ARRDC4: variants seen among roughly 807,000 people sequenced by gnomAD.
ARRDC4 encodes arrestin domain containing 4.
ARRDC4 carries 40 observed loss-of-function variants against 44.6 expected under a neutral mutation model. That is an observed-to-expected ratio of 0.90 (90% CI 0.70 to 1.17). The LOEUF (loss-of-function observed/expected upper bound fraction) is 1.17. Among genes scored for constraint, ARRDC4 ranks in the 50% most tolerant of loss-of-function variants. The pLI is 0.00. For synonymous variants in ARRDC4, 211 were observed against 221.2 expected (o/e 0.95, Z 0.41); for missense variants, 550 against 559.1 (o/e 0.98, Z 0.16).
At position 97,968,097 on chromosome 15, in the gene ARRDC4, A is replaced by T; in HGVS notation, c.606A>T (p.Glu202Asp). 6.2e-7 allele frequency: 1 copy of T among 1,602,178 alleles called. No individual in the cohort carries two copies. The highest frequency in any genetic ancestry group is 1.3e-5 in the African/African-American group (1 of 74,506). ...SGPVSLSAKI[E>D]RKGYCNGEAI... ...CAGTCTCGCTGAGTGCCAAAATTGA[A>T]AGAAAGGGATACTGTAATGGTAAGC... Residue 202 changes from glutamate to aspartate, a missense_variant, in exon 4 of 8, where the codon GAA becomes GAT. Coordinates refer to ENST00000268042, the MANE Select transcript of ARRDC4 (RefSeq NM_183376.3). The surrounding 1 kb of genome is among the most constrained non-coding windows in gnomAD (Gnocchi z 5.4).
intron 1 of ARRDC4, 145 bp downstream of exon 1, chr15:97,961,313 T>A (rs1899313910): frequency 3.9e-6 from 3 of 763,570 alleles, no homozygotes; most frequent in Middle Eastern, 4.3e-4. Context: ...CCCTCGCGGG[T>A]AAGGAGAGAC....
chr15:97,971,061 T>G, intron 7 of ARRDC4, 70 bp from the exon 8 acceptor site: 7 of 1,516,678 alleles, frequency 4.6e-6, no homozygotes, highest in Non-Finnish European at 4.6e-6. Flanking sequence ...CATCATATAA[T>G]TACAAATAGG....
Position 97,968,185 on chromosome 15 carries a change from T to A in ARRDC4, c.625+69T>A. ...TTTCTTAGCTAATTTTAAGTGATTT[T>A]AAATAGTGTTTTTTGTAATTATATG... On this transcript the variant is annotated intron_variant, in intron 4 of 7. Transcript: ENST00000268042. This position sits in a 1 kb window ranked among gnomAD's most constrained non-coding sequence, Gnocchi z 5.4. 1.9e-6 allele frequency: 2 copies of A among 1,039,958 alleles called. No individual in the cohort carries two copies. Among genetic ancestry groups the A allele is most frequent in the Non-Finnish European group, 2.7e-6 (2 of 727,876 alleles). The allele number at this position is 1,039,958 out of a possible 1,614,324, so 64.4% of individuals were successfully genotyped here. A position where few individuals can be genotyped will look rare whatever the true frequency, so the allele number is the denominator to read the frequency against.
At chr15:97,963,667 C>T (rs1321225624) in intron 1 of ARRDC4, among the ~76,000 whole-genome samples, 1 of 152,210 alleles carries the variant, frequency 6.6e-6, no homozygotes, top group Admixed American at 6.5e-5. Flanking sequence ...TAGGTTCTAG[C>T]ACTCCATGGT....
Position 97,971,602 on chromosome 15 carries a change from A to G in ARRDC4, c.*415A>G, listed in dbSNP as rs1401375897. The G allele has an allele frequency of 9.4e-6, 2 of 212,046 alleles. No individual in the cohort carries two copies. Among genetic ancestry groups the G allele is most frequent in the East Asian group, 1.1e-4 (1 of 8,740 alleles). The allele number at this position is 212,046 out of a possible 1,614,324, so 13.1% of individuals were successfully genotyped here. A position where few individuals can be genotyped will look rare whatever the true frequency, so the allele number is the denominator to read the frequency against. On this transcript the variant is annotated 3_prime_UTR_variant, in exon 8 of 8. Transcript: ENST00000268042. ...AAGACTTGATTTTGGAGAGGGCAACAAAACAAGGGTGTGTGTGCATAGGAG... is the reference window on the plus strand; with the variant it reads ...AAGACTTGATTTTGGAGAGGGCAACGAAACAAGGGTGTGTGTGCATAGGAG...
rs998125293 is a variant in ARRDC4, at chr15:97,965,927, G to A, written c.407G>A (p.Gly136Glu). Residue 136 changes from glycine to glutamate, a missense_variant, in exon 3 of 8, where the codon GGA (glycine) becomes GAA (glutamate). Physicochemically the swap from Gly to Glu is moderately conservative, Grantham distance 98. Coordinates refer to ENST00000268042, the MANE Select transcript of ARRDC4 (RefSeq NM_183376.3). This position sits in a 1 kb window ranked among gnomAD's most constrained non-coding sequence, Gnocchi z 5.1. ...GTCACCTCGTTTACTGGGAAATATG[G>A]AAGCATTCAGTACTGTGTGCGGGCA... ...PLVTSFTGKY[G>E]SIQYCVRAVL... 1.2e-6 allele frequency: 2 copies of A among 1,614,012 alleles called. No individual in the cohort carries two copies. Among genetic ancestry groups the A allele is most frequent in the Non-Finnish European group, 1.7e-6 (2 of 1,180,038 alleles).
Position 97,965,453 on chromosome 15 carries a change from T to A in ARRDC4, c.308-147T>A, listed in dbSNP as rs115598927. ...CACGCACACACACCCCCCTTCAAACTTAATTCTCTACATTTGTTTAATGAA... is the reference window on the plus strand; with the variant it reads ...CACGCACACACACCCCCCTTCAAACATAATTCTCTACATTTGTTTAATGAA... On this transcript the variant is annotated intron_variant, in intron 1 of 7. Transcript: ENST00000268042. This position sits in a 1 kb window ranked among gnomAD's most constrained non-coding sequence, Gnocchi z 5.1. 5.3e-3 allele frequency: 3,541 copies of A among 672,376 alleles called. 93 individuals are homozygous for A. In the African/African-American group the frequency reaches 0.056, roughly 11 times the overall value. 41.7% of individuals were successfully genotyped at this position (672,376 alleles called of 1,614,324 possible).
intron 1 of ARRDC4, among the ~76,000 whole-genome samples, chr15:97,964,993 T>TAC (rs199604833): frequency 0.031 from 4,214 of 136,032 alleles, 76 homozygotes; most frequent in East Asian, 0.087. Flanking sequence ...TTGTGATTTT[T>TAC]ACATACACAC....
chr15:97,962,532 G>A (rs972394352), intron 1 of ARRDC4, among the ~76,000 whole-genome samples: 2 of 152,148 alleles, frequency 1.3e-5, no homozygotes, highest in Admixed American at 6.5e-5. Context: ...AAAATTAAAA[G>A]CAGTTGAACC....
Position 97,969,856 on chromosome 15 carries a change from CTTT to C in ARRDC4, c.883-13_883-11del, listed in dbSNP as rs201375946. 9,107 of 1,331,040 alleles carry C rather than the reference CTTT, an allele frequency of 6.8e-3. 1 individual carries two copies. The highest frequency in any genetic ancestry group is 0.02 in the South Asian group (1,266 of 62,574). The allele number at this position is 1,331,040 out of a possible 1,614,324, so 82.5% of individuals were successfully genotyped here. On this transcript the variant is annotated intron_variant, in intron 5 of 7. Coordinates refer to ENST00000268042, the MANE Select transcript of ARRDC4 (RefSeq NM_183376.3). ...GTGTAGCTTACATTTGTTCCTTTCT[CTTT>C]TTTTTTTTTTTTTGGCTTATTAGGT...
rs1369791809 is a variant in ARRDC4, at chr15:97,969,987, C to T, written c.987C>T (p.Ala329=). The T allele has an allele frequency of 1.2e-6, 2 of 1,613,144 alleles. No individual in the cohort carries two copies. Among genetic ancestry groups the T allele is most frequent in the African/African-American group, 1.3e-5 (1 of 74,802 alleles). ...NGFGSRNSSI[A]SQFSMDMSWL... The stretch of plus-strand genomic sequence containing the variant: ...TTGGCAGCAGAAACTCCAGCATTGC[C>T]AGCCAGTTCAGTATGGATATGAGCT... Residue 329 remains alanine, a synonymous_variant, in exon 6 of 8, where the codon GCC becomes GCT. Coordinates refer to ENST00000268042, the MANE Select transcript of ARRDC4 (RefSeq NM_183376.3).
Position 97,971,274 on chromosome 15 carries a change from T to G in ARRDC4, c.*87T>G. 3.0e-6 allele frequency: 4 copies of G among 1,323,482 alleles called. No individual in the cohort carries two copies. Among genetic ancestry groups the G allele is most frequent in the Non-Finnish European group, 4.3e-6 (4 of 923,754 alleles). The allele number at this position is 1,323,482 out of a possible 1,614,324, so 82.0% of individuals were successfully genotyped here. A position where few individuals can be genotyped will look rare whatever the true frequency, so the allele number is the denominator to read the frequency against. ...CTTTTTGGGAAAGAGACAGGAAAGA[T>G]TCACTTGAAAACATAAATGAACGTC... On this transcript the variant is annotated 3_prime_UTR_variant, in exon 8 of 8. Coordinates refer to ENST00000268042, the MANE Select transcript of ARRDC4 (RefSeq NM_183376.3).
At position 97,960,908 on chromosome 15, in the gene ARRDC4, G is replaced by T; in HGVS notation, c.47G>T (p.Arg16Leu). 1 of 1,433,034 alleles carries T rather than the reference G, an allele frequency of 7.0e-7. No individual in the cohort carries two copies. The highest frequency in any genetic ancestry group is 9.2e-7 in the Non-Finnish European group (1 of 1,086,974). The allele number at this position is 1,433,034 out of a possible 1,614,324, so 88.8% of individuals were successfully genotyped here. ...GCGGCGGCCGTGGGTGCCGAGGGCC[G>T]CGTGAAGAGCCTGGGTCTGGTGTTC... Reference protein sequence around the residue: ...GCAAAVGAEGRVKSLGLVFED... With the variant: ...GCAAAVGAEGLVKSLGLVFED... Residue 16 changes from arginine (R) to leucine (L), a missense_variant, in exon 1 of 8, where the codon CGC becomes CTC. Coordinates refer to ENST00000268042, the MANE Select transcript of ARRDC4 (RefSeq NM_183376.3).
At position 97,971,240 on chromosome 15, in the gene ARRDC4, T is replaced by C. The variant is rs1354343383; in HGVS notation, c.*53T>C. The C allele has an allele frequency of 1.3e-5, 20 of 1,545,782 alleles. No homozygotes were observed. In the East Asian group the frequency reaches 4.0e-4, roughly 31 times the overall value. On this transcript the variant is annotated 3_prime_UTR_variant, in exon 8 of 8. Transcript: ENST00000268042. ...CATCAAATTAGAATGTTGGTTCTTT[T>C]CCTTCTGCCTTTTTGGGAAAGAGAC... is the stretch of plus-strand genomic sequence containing the variant.
At position 97,972,364 on chromosome 15, in the gene ARRDC4, A is replaced by G. The variant is rs1315572491; in HGVS notation, c.*1177A>G. The G allele has an allele frequency of 1.3e-5, 2 of 152,628 alleles. No homozygotes were observed. Among genetic ancestry groups the G allele is most frequent in the Admixed American group, 6.5e-5 (1 of 15,274 alleles). 9.5% of individuals were successfully genotyped at this position (152,628 alleles called of 1,614,324 possible). A position where few individuals can be genotyped will look rare whatever the true frequency, so the allele number is the denominator to read the frequency against. On this transcript the variant is annotated 3_prime_UTR_variant, in exon 8 of 8. Coordinates refer to ENST00000268042, the MANE Select transcript of ARRDC4 (RefSeq NM_183376.3). This position sits in a 1 kb window ranked among gnomAD's most constrained non-coding sequence, Gnocchi z 5.3. ...ACTGATGGCAGTCACTGCATTGTAC[A>G]TTATTCCAGTTCTTCAGTAATTCTG...
In ARRDC4 at chr15:97,961,474, A is replaced by C. The variant is rs567039433; in HGVS notation, c.307+306A>C. Among the ~76,000 whole-genome samples, 13 of 152,272 alleles carry C rather than the reference A, an allele frequency of 8.5e-5. No homozygotes were observed. The East Asian group carries it at 2.3e-3, about 27-fold the overall frequency. On this transcript the variant is annotated intron_variant, in intron 1 of 7. Coordinates refer to ENST00000268042, the MANE Select transcript of ARRDC4 (RefSeq NM_183376.3). ...TGTGATTGGACAATGGGGGATCCAG[A>C]AATCTAGGTCCTGTTCCTTCTGGTC...
At position 97,965,812 on chromosome 15, in the gene ARRDC4, C is replaced by A; in HGVS notation, c.375-83C>A. On this transcript the variant is annotated intron_variant, in intron 2 of 7. Transcript: ENST00000268042. The surrounding 1 kb of genome is among the most constrained non-coding windows in gnomAD (Gnocchi z 5.1). Reference sequence around the variant, plus strand: ...AGACTTACTCTTTTTTTATTTCCAACCTAAAACATTTTAAACCATGCTTTT... The same window carrying A: ...AGACTTACTCTTTTTTTATTTCCAAACTAAAACATTTTAAACCATGCTTTT... 1 of 1,547,202 alleles carries A rather than the reference C, an allele frequency of 6.5e-7. No homozygotes were observed.
chr15:97,963,813 C>T (rs11073592), intron 1 of ARRDC4, among the ~76,000 whole-genome samples: 1 of 152,096 alleles, frequency 6.6e-6, no homozygotes, highest in Non-Finnish European at 1.5e-5. Context: ...GTAAATACTT[C>T]GTCATGTTCT....
intron 1 of ARRDC4, among the ~76,000 whole-genome samples, chr15:97,963,326 TGAGA>T (rs749310590): frequency 2.6e-5 from 4 of 152,172 alleles, no homozygotes; most frequent in Non-Finnish European, 5.9e-5. Context: ...AAACAAAACT[TGAGA>T]AAGAGGAAAA....
Sources: gnomAD v4.1 joint callset for allele counts (sites outside exome capture counted in the v4.1 genomes callset) on GRCh38, gnomAD v4.1.1 for gene constraint, Gnocchi (gnomAD v3.1) non-coding constraint, MANE v1.5 for transcripts, NCBI Gene and HGNC (gene_info 2026-07-23, HGNC 2026-07-21) for gene names.